Variants in RBFOX1 observed in about 807,000 individuals in gnomAD.
RBFOX1 encodes the protein RNA binding fox-1 homolog 1.
RBFOX1 carries 8 observed loss-of-function variants against 57.7 expected under a neutral mutation model. That is an observed-to-expected ratio of 0.14 (90% confidence interval 0.08 to 0.25). The LOEUF (loss-of-function observed/expected upper bound fraction) is 0.25, where lower values mean the gene tolerates loss of function less well. RBFOX1 is among the 10% of genes least tolerant of loss of function. The probability of loss-of-function intolerance (pLI) is 1.00; values close to 1 mark genes in which losing one functional copy is unlikely to be tolerated. For missense variants in RBFOX1, 611 were observed against 548.5 expected (o/e 1.11, Z -1.14); for synonymous variants, 326 against 222.4 (o/e 1.47, Z -4.15).
chr16:6,460,172 A>C (rs748673239), intron 2 of RBFOX1, among the ~76,000 whole-genome samples: 3 of 152,096 alleles, frequency 2.0e-5, no homozygotes, highest in Non-Finnish European at 4.4e-5. Context: ...GAGGCTGGAC[A>C]TCCAAGATTA....
At chr16:7,156,219 C>T (rs956913294) in intron 4 of RBFOX1, among the ~76,000 whole-genome samples, 2 of 148,460 alleles carry the variant, frequency 1.3e-5, no homozygotes, top group East Asian at 2.0e-4. Flanking sequence ...TCTGGAAGTC[C>T]ATATATATAT....
At chr16:6,389,016 C>T (rs2092453423) in intron 2 of RBFOX1, among the ~76,000 whole-genome samples, 1 of 152,184 alleles carries the variant, frequency 6.6e-6, no homozygotes, top group African/African-American at 2.4e-5. Flanking sequence ...TTTTATCCCT[C>T]TAACTACTGA....
chr16:6,723,957 C>G (rs1352333234), intron 3 of RBFOX1: 7 of 152,138 alleles, frequency 4.6e-5, no homozygotes, highest in Admixed American at 4.6e-4. Flanking sequence ...CACCTTGGCC[C>G]ATTGCTGAGG....
intron 2 of RBFOX1, among the ~76,000 whole-genome samples, chr16:6,371,140 C>G (rs1426091344): frequency 3.9e-5 from 6 of 152,138 alleles, no homozygotes; most frequent in Non-Finnish European, 5.9e-5. Flanking sequence ...TCTCAGATAT[C>G]TCCAGTAAAA....
chr16:5,594,874 A>G (rs534233896), intron 2 of RBFOX1, among the ~76,000 whole-genome samples: 24 of 151,044 alleles, frequency 1.6e-4, no homozygotes, highest in African/African-American at 5.8e-4. Flanking sequence ...GCTCATGTCT[A>G]TAATCCCAGC....
chr16:7,251,568 C>G (rs935243792), intron 4 of RBFOX1, among the ~76,000 whole-genome samples: 1 of 151,838 alleles, frequency 6.6e-6, no homozygotes, highest in Admixed American at 6.6e-5. Context: ...CTCCCCTCGC[C>G]GCCATCAAGC....
intron 4 of RBFOX1, among the ~76,000 whole-genome samples, chr16:7,363,219 G>A (rs1445168554): frequency 6.6e-6 from 1 of 152,144 alleles, no homozygotes; most frequent in Admixed American, 6.5e-5. Context: ...CTGAGTTCCT[G>A]GGGTCTGGGT....
chr16:5,805,562 T>C (rs1157684865), intron 3 of RBFOX1, among the ~76,000 whole-genome samples: 1 of 152,166 alleles, frequency 6.6e-6, no homozygotes, highest in Non-Finnish European at 1.5e-5. Context: ...TGAGAAGAGT[T>C]GAACAAAGGA....
intron 2 of RBFOX1, among the ~76,000 whole-genome samples, chr16:5,502,605 G>T (rs142553529): frequency 1.0e-3 from 156 of 152,308 alleles, no homozygotes; most frequent in Non-Finnish European, 1.7e-3. Flanking sequence ...GGGAGAAAAT[G>T]CAATCAGGTC....
intron 4 of RBFOX1, among the ~76,000 whole-genome samples, chr16:7,136,072 A>G (rs1487557545): frequency 6.6e-6 from 1 of 152,214 alleles, no homozygotes; most frequent in Non-Finnish European, 1.5e-5. Flanking sequence ...AACTGAGCAG[A>G]GTGAAAGACT....
At chr16:7,504,909 G>T (rs891896354) in intron 4 of RBFOX1, among the ~76,000 whole-genome samples, 1 of 147,338 alleles carries the variant, frequency 6.8e-6, no homozygotes. Flanking sequence ...CAATAATACG[G>T]CATTTGAAGC....
At chr16:6,250,554 C>T (rs1279204637) in intron 1 of RBFOX1, among the ~76,000 whole-genome samples, 1 of 152,156 alleles carries the variant, frequency 6.6e-6, no homozygotes, top group African/African-American at 2.4e-5. Context: ...GTATTTCAAC[C>T]AGGAGCCCTA....
chr16:6,050,898 T>G (rs890934182), intron 1 of RBFOX1, among the ~76,000 whole-genome samples: 6 of 151,204 alleles, frequency 4.0e-5, no homozygotes, highest in Admixed American at 1.3e-4. Flanking sequence ...ATGCTCAGAT[T>G]ATTCAATCAT....
In RBFOX1 at chr16:5,424,941, C is replaced by CT. The variant is rs1261810120; in HGVS notation, c.220-42273dup. Among the ~76,000 whole-genome samples, 99 of 44,820 alleles carry CT rather than the reference C, an allele frequency of 2.2e-3. 1 individual carries two copies. Among genetic ancestry groups the CT allele is most frequent in the Non-Finnish European group, 2.8e-3 (64 of 22,716 alleles). The allele number at this position is 44,820 out of a possible 152,430, so 29.4% of individuals were successfully genotyped here. Reference sequence around the variant, plus strand: ...TTTCTTTCTTTCTTTCTTTCTCTCTCTTCTTTCTTCCTTTGTTTCTTTCTC... The same window carrying CT: ...TTTCTTTCTTTCTTTCTTTCTCTCTCTTTCTTTCTTCCTTTGTTTCTTTCTC... On this transcript the variant is annotated intron_variant, in intron 1 of 2. Transcript: ENST00000585867.
intron 4 of RBFOX1, among the ~76,000 whole-genome samples, chr16:7,346,889 C>T (rs764170060): frequency 5.9e-5 from 9 of 152,038 alleles, no homozygotes; most frequent in Admixed American, 3.9e-4. Flanking sequence ...GAACTCAATC[C>T]TGTCTAGCTT....
intron 1 of RBFOX1, among the ~76,000 whole-genome samples, chr16:6,196,664 C>T (rs185165339): frequency 6.6e-6 from 1 of 152,126 alleles, no homozygotes; most frequent in African/African-American, 2.4e-5. Context: ...TCATTTTTTT[C>T]CTGATGCTGT....
chr16:6,845,135 G>A (rs917635670), intron 3 of RBFOX1, among the ~76,000 whole-genome samples: 1 of 113,566 alleles, frequency 8.8e-6, no homozygotes, highest in African/African-American at 3.1e-5. Flanking sequence ...TGGGTTGTCT[G>A]TTCACTCTGG....
chr16:7,288,452 T>C (rs117912218), intron 4 of RBFOX1, among the ~76,000 whole-genome samples: 5,542 of 152,328 alleles, frequency 0.036, 149 homozygotes, highest in Non-Finnish European at 0.055. Flanking sequence ...CACATCACCT[T>C]GCTTATCAGA....
At chr16:6,853,080 C>T (rs12445513) in intron 3 of RBFOX1, among the ~76,000 whole-genome samples, 29,893 of 152,118 alleles carry the variant, frequency 0.2, 3,165 homozygotes, top group East Asian at 0.28. Context: ...TGTTACCCTT[C>T]ACACAGTTCT....
Sources: allele counts gnomAD v4.1 joint callset (sites outside exome capture counted in the v4.1 genomes callset), GRCh38; gene constraint gnomAD v4.1.1; transcripts MANE v1.5; gene names NCBI Gene and HGNC (gene_info 2026-07-23, HGNC 2026-07-21).